The following CNTNAP2 variants were observed in gnomAD, a reference collection of about 807,000 sequenced individuals.
The protein encoded by CNTNAP2 is contactin associated protein 2, also known as contactin-associated protein-like 2.
In CNTNAP2, 98 loss-of-function variants were observed where a neutral mutation model predicts 155.2. The ratio of observed to expected loss-of-function variants is 0.63; its 90% CI spans 0.54 to 0.75. The LOEUF is 0.75. Among genes scored for constraint, CNTNAP2 ranks in the 30% least tolerant of loss-of-function variants. The pLI, the probability that CNTNAP2 is intolerant of heterozygous loss-of-function variation, is 0.00. For missense variants in CNTNAP2, 1,727 were observed against 1,688.1 expected (o/e 1.02, Z -0.40); for synonymous variants, 651 against 631.2 (o/e 1.03, Z -0.47).
intron 14 of CNTNAP2, among the ~76,000 whole-genome samples, chr7:147,904,322 G>T (rs879609117): frequency 1.3e-5 from 2 of 152,150 alleles, no homozygotes; most frequent in Non-Finnish European, 2.9e-5. Context: ...CCCTTTGCTG[G>T]CTTTTGTTCT....
chr7:147,268,214 A>T (rs1439158275), intron 8 of CNTNAP2, among the ~76,000 whole-genome samples: 1 of 152,210 alleles, frequency 6.6e-6, no homozygotes, highest in African/African-American at 2.4e-5. Flanking sequence ...AAAAATTTAA[A>T]TGTATGTACA....
intron 3 of CNTNAP2, among the ~76,000 whole-genome samples, chr7:146,978,871 A>T (rs996883325): frequency 1.3e-5 from 2 of 152,096 alleles, no homozygotes; most frequent in Non-Finnish European, 2.9e-5. Context: ...TGAGAAAAGT[A>T]AGTTCTACTG....
At chr7:146,994,173 A>G (rs1453722642) in intron 3 of CNTNAP2, among the ~76,000 whole-genome samples, 1 of 152,156 alleles carries the variant, frequency 6.6e-6, no homozygotes. Flanking sequence ...ATAGGTTACT[A>G]GTAGTAAGTG....
intron 12 of CNTNAP2, among the ~76,000 whole-genome samples, chr7:147,629,420 A>T (rs1010347543): frequency 1.3e-4 from 19 of 145,464 alleles, no homozygotes; most frequent in African/African-American, 4.7e-4. Context: ...AATAATAATA[A>T]TAATAATAAT....
intron 15 of CNTNAP2, among the ~76,000 whole-genome samples, chr7:148,009,548 G>A (rs1462335849): frequency 6.6e-6 from 1 of 152,106 alleles, no homozygotes; most frequent in Non-Finnish European, 1.5e-5. Context: ...ACCATGTTGG[G>A]AGACTGGTAT....
chr7:147,503,619 C>A (rs1173568053), intron 11 of CNTNAP2, among the ~76,000 whole-genome samples: 2 of 152,120 alleles, frequency 1.3e-5, no homozygotes, highest in East Asian at 3.9e-4. Context: ...AGGCTCCAGT[C>A]ACATTCTCTT....
At position 147,473,122 on chromosome 7, in the gene CNTNAP2, A is replaced by G. The variant is rs533696720; in HGVS notation, c.1671-12813A>G. 6.6e-5 allele frequency among the ~76,000 whole-genome samples: 10 copies of G among 152,340 alleles called. No homozygotes were observed. The South Asian group carries it at 2.1e-3, about 32-fold the overall frequency. On this transcript the variant is annotated intron_variant, in intron 10 of 23. Transcript: ENST00000361727. ...AAAACGGAGGTTGTGAATGCCTGTG[A>G]GAAAAGGAGCTTTTGTGGACAGATG... is the stretch of plus-strand genomic sequence containing the variant.
chr7:146,850,347 C>T (rs1179928639), intron 3 of CNTNAP2, among the ~76,000 whole-genome samples: 1 of 152,130 alleles, frequency 6.6e-6, no homozygotes, highest in African/African-American at 2.4e-5. Context: ...ATTGTAATTG[C>T]AATTTAAATG....
intron 15 of CNTNAP2, among the ~76,000 whole-genome samples, chr7:147,993,302 A>T (rs2116884306): frequency 6.6e-6 from 1 of 152,182 alleles, no homozygotes; most frequent in Non-Finnish European, 1.5e-5. Context: ...CCAAGAAGAT[A>T]CTCTGTTGTA....
chr7:148,169,315 T>C (rs1317893781), intron 17 of CNTNAP2, among the ~76,000 whole-genome samples: 1 of 152,210 alleles, frequency 6.6e-6, no homozygotes, highest in Non-Finnish European at 1.5e-5. Flanking sequence ...TAGAATTGTG[T>C]GGAGAAGATG....
intron 13 of CNTNAP2, among the ~76,000 whole-genome samples, chr7:147,787,466 A>T (rs1158124002): frequency 2.0e-5 from 3 of 152,250 alleles, no homozygotes; most frequent in Non-Finnish European, 4.4e-5. Flanking sequence ...CGATTCCAAA[A>T]TAGTCATTGT....
At chr7:148,414,140 G>C (rs1263026002) in intron 23 of CNTNAP2, among the ~76,000 whole-genome samples, 1 of 126,224 alleles carries the variant, frequency 7.9e-6, no homozygotes, top group Admixed American at 1.1e-4. Context: ...GCAGTGGCAC[G>C]ATCTTGGCTC....
intron 3 of CNTNAP2, among the ~76,000 whole-genome samples, chr7:146,847,523 G>T (rs1199177457): frequency 1.3e-5 from 2 of 152,112 alleles, no homozygotes; most frequent in African/African-American, 2.4e-5. Flanking sequence ...CAAACAAAGG[G>T]TTTAGAGCAA....
intron 1 of CNTNAP2, among the ~76,000 whole-genome samples, chr7:146,711,717 TAC>T (rs1801077082): frequency 6.9e-6 from 1 of 144,642 alleles, no homozygotes; most frequent in Non-Finnish European, 1.5e-5. Context: ...ATATATAGTA[TAC>T]ACATCTTATG....
chr7:148,148,446 T>C (rs754024864), intron 17 of CNTNAP2, among the ~76,000 whole-genome samples: 1 of 152,258 alleles, frequency 6.6e-6, no homozygotes, highest in Non-Finnish European at 1.5e-5. Context: ...TTAGCAACTT[T>C]TCCTCTGTTG....
intron 4 of CNTNAP2, among the ~76,000 whole-genome samples, chr7:147,090,760 T>C (rs1341834766): frequency 1.3e-5 from 2 of 152,174 alleles, no homozygotes; most frequent in African/African-American, 2.4e-5. Flanking sequence ...TTTTAGGATG[T>C]AATATTTTTG....
At chr7:147,829,199 G>T (rs1798509937) in intron 13 of CNTNAP2, among the ~76,000 whole-genome samples, 1 of 152,094 alleles carries the variant, frequency 6.6e-6, no homozygotes, top group African/African-American at 2.4e-5. Flanking sequence ...TATGAAATTG[G>T]ATCAGCTGGA....
intron 13 of CNTNAP2, among the ~76,000 whole-genome samples, chr7:147,769,460 A>G (rs1471119769): frequency 6.6e-6 from 1 of 152,124 alleles, no homozygotes; most frequent in Non-Finnish European, 1.5e-5. Context: ...CATGTGAACT[A>G]TAGTGAAGTG....
At chr7:146,898,147 C>T (rs1276989546) in intron 3 of CNTNAP2, among the ~76,000 whole-genome samples, 1 of 151,914 alleles carries the variant, frequency 6.6e-6, no homozygotes, top group Non-Finnish European at 1.5e-5. Flanking sequence ...TAACTACAAA[C>T]AGTATATAAC....
Sources: gnomAD v4.1 joint callset for allele counts (sites outside exome capture counted in the v4.1 genomes callset) on GRCh38, gnomAD v4.1.1 for gene constraint, MANE v1.5 for transcripts, NCBI Gene and HGNC (gene_info 2026-07-23, HGNC 2026-07-21) for gene names.